Variants in MICAL3 observed in about 807,000 individuals in gnomAD.
The protein encoded by MICAL3 is [F-actin]-monooxygenase MICAL3.
Under a neutral mutation model 207.4 loss-of-function variants are expected in MICAL3, and 62 were observed. That is an observed-to-expected ratio of 0.30 (90% CI 0.24 to 0.37). The LOEUF (loss-of-function observed/expected upper bound fraction) is 0.37. Among genes scored for constraint, MICAL3 ranks in the 10% least tolerant of loss-of-function variants. The pLI, the probability that MICAL3 is intolerant of heterozygous loss-of-function variation, is 1.00. For missense variants in MICAL3, 2,368 were observed against 2,635.6 expected, an observed-to-expected ratio of 0.90 and a Z score of 2.22; for synonymous variants, 1,077 against 1,069.3, an observed-to-expected ratio of 1.01 and a Z score of -0.14.
intron 1 of MICAL3, among the ~76,000 whole-genome samples, chr22:17,988,971 C>G (rs79082383): frequency 0.042 from 6,456 of 152,220 alleles, 250 homozygotes; most frequent in African/African-American, 0.1. Flanking sequence ...GAACCTAAAA[C>G]ATTTACCTTC....
At chr22:17,908,202 C>A (rs1378149030) in intron 1 of MICAL3, among the ~76,000 whole-genome samples, 1 of 152,216 alleles carries the variant, frequency 6.6e-6, no homozygotes, top group East Asian at 1.9e-4. Flanking sequence ...CACAGCCAGA[C>A]CCCAGCTGCA....
In MICAL3 at chr22:17,811,877, C is replaced by G. The variant is rs143029675; in HGVS notation, c.5446-1064G>C. On this transcript the variant is annotated intron_variant, in intron 27 of 31. Coordinates refer to ENST00000441493, the MANE Select transcript of MICAL3 (RefSeq NM_015241.3). ...CTCCCGCCTCAGCCTCCCGAGTAGT[C>G]AGGACTATAGGCGTGTGCCACCTCG... is the stretch of plus-strand genomic sequence containing the variant. Among the ~76,000 whole-genome samples the G allele has an allele frequency of 6.6e-5, 10 of 152,272 alleles. No homozygotes were observed. The East Asian group carries it at 1.7e-3, about 26-fold the overall frequency.
chr22:17,981,903 G>A (rs558640879), intron 1 of MICAL3, among the ~76,000 whole-genome samples: 1 of 152,232 alleles, frequency 6.6e-6, no homozygotes, highest in Non-Finnish European at 1.5e-5. Context: ...AGGAGTTGGA[G>A]ACCAGCCTTG....
intron 1 of MICAL3, among the ~76,000 whole-genome samples, chr22:17,975,988 G>T (rs1367161613): frequency 6.6e-6 from 1 of 152,066 alleles, no homozygotes; most frequent in Non-Finnish European, 1.5e-5. Context: ...GGCAGAGGTT[G>T]CAGTGAGCCG....
chr22:17,886,114 C>T (rs989508125), intron 15 of MICAL3, 63 bp from the exon 16 acceptor site: 2 of 1,573,472 alleles, frequency 1.3e-6, no homozygotes, highest in Non-Finnish European at 1.7e-6. Flanking sequence ...ATGCCCCTCC[C>T]TCACAGAAGT....
intron 1 of MICAL3, among the ~76,000 whole-genome samples, chr22:17,979,878 C>CG (rs369975250): frequency 9.2e-5 from 14 of 152,142 alleles, no homozygotes; most frequent in African/African-American, 2.9e-4. Flanking sequence ...TCACCTAGGC[C>CG]GGAGTACAGC....
intron 19 of MICAL3, chr22:17,864,672 C>G: frequency 4.4e-6 from 7 of 1,607,400 alleles, no homozygotes; most frequent in Non-Finnish European, 5.9e-6. Context: ...CCACAGCCTG[C>G]CAGTGGAACT....
At chr22:18,023,217 T>A (rs13058311) in intron 1 of MICAL3, among the ~76,000 whole-genome samples, 22,176 of 151,848 alleles carry the variant, frequency 0.15, 1,881 homozygotes, top group Non-Finnish European at 0.19. Context: ...GCACTCCAAA[T>A]TTTCCCACCA....
At chr22:18,023,932 A>G (rs1360863674) in intron 1 of MICAL3, among the ~76,000 whole-genome samples, 1 of 152,126 alleles carries the variant, frequency 6.6e-6, no homozygotes, top group African/African-American at 2.4e-5. Flanking sequence ...GTGCCTGGGT[A>G]CGCTCTTCCT....
intron 1 of MICAL3, among the ~76,000 whole-genome samples, chr22:17,958,230 A>G (rs960525366): frequency 2.6e-5 from 4 of 152,160 alleles, no homozygotes; most frequent in African/African-American, 4.8e-5. Context: ...CAAATCTCCA[A>G]TTCCTCTGTC....
At chr22:17,956,274 G>C (rs528966561) in intron 1 of MICAL3, among the ~76,000 whole-genome samples, 39 of 152,338 alleles carry the variant, frequency 2.6e-4, no homozygotes, top group African/African-American at 9.1e-4. Flanking sequence ...CTTCCAAACA[G>C]ACAGTTGCAG....
At chr22:17,834,053 G>A (rs2146048908) in intron 20 of MICAL3, among the ~76,000 whole-genome samples, 1 of 152,328 alleles carries the variant, frequency 6.6e-6, no homozygotes, top group Middle Eastern at 3.4e-3. Flanking sequence ...AAACCTGTGG[G>A]TGATTCTGGG....
At chr22:17,829,304 T>C (rs1922542490) in intron 21 of MICAL3, among the ~76,000 whole-genome samples, 1 of 152,084 alleles carries the variant, frequency 6.6e-6, no homozygotes, top group African/African-American at 2.4e-5. Context: ...GTAGCTGGGA[T>C]TACAGGCATG....
At chr22:17,860,185 A>C in intron 19 of MICAL3, 1 of 978,184 alleles carries the variant, frequency 1.0e-6, no homozygotes, top group Non-Finnish European at 1.2e-6. Flanking sequence ...TATTCTCTTA[A>C]ATAAGAATGT....
At chr22:17,887,273 A>C in intron 14 of MICAL3, 41 bp from the exon 15 acceptor site, 1 of 1,610,248 alleles carries the variant, frequency 6.2e-7, no homozygotes, top group Non-Finnish European at 8.5e-7. Flanking sequence ...TTCTAGCCAT[A>C]CATACCTTGC....
chr22:18,010,572 A>G (rs1426222362), intron 1 of MICAL3, among the ~76,000 whole-genome samples: 1 of 152,188 alleles, frequency 6.6e-6, no homozygotes, highest in African/African-American at 2.4e-5. Flanking sequence ...GTCCCTCAAA[A>G]GAATGGTAGG....
At chr22:18,018,718 A>T (rs1924232428) in intron 1 of MICAL3, among the ~76,000 whole-genome samples, 1 of 150,708 alleles carries the variant, frequency 6.6e-6, no homozygotes, top group African/African-American at 2.5e-5. Context: ...ACTCTGTCTC[A>T]AGAAAAAAAT....
intron 1 of MICAL3, among the ~76,000 whole-genome samples, chr22:18,010,624 T>C (rs1055763489): frequency 2.6e-5 from 4 of 152,074 alleles, no homozygotes; most frequent in African/African-American, 9.7e-5. Context: ...GAAGTGAGCT[T>C]CCCCTTTTCT....
At chr22:17,807,184 C>T (rs1165502887) in intron 29 of MICAL3, among the ~76,000 whole-genome samples, 3 of 152,262 alleles carry the variant, frequency 2.0e-5, no homozygotes, top group Admixed American at 6.5e-5. Context: ...TGAAGATGAG[C>T]CTAGGCTCTC....
Sources: gnomAD v4.1 joint callset for allele counts (sites outside exome capture counted in the v4.1 genomes callset) on GRCh38, gnomAD v4.1.1 for gene constraint, MANE v1.5 for transcripts, NCBI Gene and HGNC (gene_info 2026-07-23, HGNC 2026-07-21) for gene names.